PDE6C: variants seen among roughly 807,000 people sequenced by gnomAD.
PDE6C encodes phosphodiesterase 6C, also known as cone cGMP-specific 3',5'-cyclic phosphodiesterase subunit alpha'.
PDE6C carries 75 observed loss-of-function variants against 113.1 expected under a neutral mutation model. The ratio of observed to expected loss-of-function variants is 0.66; its 90% CI spans 0.55 to 0.80. The LOEUF is 0.80. Ranked by LOEUF, PDE6C falls within the 30% of genes least tolerant of loss-of-function variation. The pLI, the probability that PDE6C is intolerant of heterozygous loss-of-function variation, is 0.00. For missense variants in PDE6C, 912 were observed against 1,038.6 expected, an observed-to-expected ratio of 0.88 and a Z score of 1.67; for synonymous variants, 375 against 363.7, an observed-to-expected ratio of 1.03 and a Z score of -0.35.
chr10:93,634,541 C>T (rs188643024), intron 8 of PDE6C, among the ~76,000 whole-genome samples: 1 of 152,290 alleles, frequency 6.6e-6, no homozygotes, highest in African/African-American at 2.4e-5. Context: ...AGCTCTGGAT[C>T]GTACAATGTC....
At chr10:93,635,686 A>G in intron 10 of PDE6C, 46 bp downstream of exon 10, 1 of 1,592,156 alleles carries the variant, frequency 6.3e-7, no homozygotes, top group Non-Finnish European at 8.6e-7. Context: ...TTACCTAACC[A>G]CATATTCTAG....
At chr10:93,637,336 G>A (rs936954330) in intron 11 of PDE6C, among the ~76,000 whole-genome samples, 2 of 152,068 alleles carry the variant, frequency 1.3e-5, no homozygotes, top group African/African-American at 4.8e-5. Flanking sequence ...ACAGAATCTA[G>A]GGATATCAAG....
intron 15 of PDE6C, among the ~76,000 whole-genome samples, chr10:93,649,714 C>A (rs2058601001): frequency 6.6e-6 from 1 of 152,168 alleles, no homozygotes; most frequent in South Asian, 2.1e-4. Context: ...AAGAGATTCT[C>A]ACACCTCAGC....
Position 93,657,328 on chromosome 10 carries a change from A to ATTT in PDE6C, c.2036+1494_2036+1496dup, listed in dbSNP as rs71031526. ...AGGCACACGTCACCACGCCTGGCTA[A>ATTT]TTTTTTTTTTTTTTTTTTTTTTTTT... On this transcript the variant is annotated intron_variant, in intron 16 of 21. Coordinates refer to ENST00000371447, the MANE Select transcript of PDE6C (RefSeq NM_006204.4). Among the ~76,000 whole-genome samples, 56 of 88,282 alleles carry ATTT rather than the reference A, an allele frequency of 6.3e-4. 3 individuals are homozygous for ATTT. The highest frequency in any genetic ancestry group is 1.3e-3 in the African/African-American group (27 of 21,538). The allele number at this position is 88,282 out of a possible 152,430, so 57.9% of individuals were successfully genotyped here.
At chr10:93,661,675 T>G (rs893697421) in intron 18 of PDE6C, among the ~76,000 whole-genome samples, 11 of 152,206 alleles carry the variant, frequency 7.2e-5, no homozygotes, top group African/African-American at 2.2e-4. Context: ...TACTAATGGG[T>G]GTATGTCACA....
intron 13 of PDE6C, 115 bp downstream of exon 13, chr10:93,640,672 A>G: frequency 1.2e-6 from 1 of 821,928 alleles, no homozygotes; most frequent in Non-Finnish European, 2.1e-6. Context: ...CAGGGCACAA[A>G]CCCCTCTCCG....
chr10:93,643,477 C>G (rs1391592314), intron 14 of PDE6C, among the ~76,000 whole-genome samples: 1 of 152,018 alleles, frequency 6.6e-6, no homozygotes, highest in Non-Finnish European at 1.5e-5. Flanking sequence ...CAGCCTTGAC[C>G]TCTGGGGCCC....
Position 93,622,008 on chromosome 10 carries a change from C to A in PDE6C, c.800C>A (p.Thr267Lys), listed in dbSNP as rs199926911. Residue 267 changes from threonine to lysine, a missense_variant, in exon 4 of 22, where the codon ACG becomes AAG. Coordinates refer to ENST00000371447, the MANE Select transcript of PDE6C (RefSeq NM_006204.4). ...CGACAGTTTCACAAAGCGCTCTACACGGTTAGATCATATCTGAACTGTGAA... is the reference window on the plus strand; with the variant it reads ...CGACAGTTTCACAAAGCGCTCTACAAGGTTAGATCATATCTGAACTGTGAA... ...VERQFHKALY[T>K]VRSYLNCERY... 1 of 1,613,694 alleles carries A rather than the reference C, an allele frequency of 6.2e-7. No homozygotes were observed. Among genetic ancestry groups the A allele is most frequent in the East Asian group, 2.2e-5 (1 of 44,868 alleles).
At chr10:93,660,233 C>T (rs2058660079) in intron 18 of PDE6C, among the ~76,000 whole-genome samples, 1 of 152,200 alleles carries the variant, frequency 6.6e-6, no homozygotes, top group South Asian at 2.1e-4. Context: ...AAGAGAAAAG[C>T]GTACACGTTT....
In PDE6C at chr10:93,640,493, C is replaced by T; in HGVS notation, c.1673C>T (p.Ala558Val). The T allele has an allele frequency of 6.2e-7, 1 of 1,613,790 alleles. No homozygotes were observed. The highest frequency in any genetic ancestry group is 8.5e-7 in the Non-Finnish European group (1 of 1,179,738). ...WMYTVRKGYR[A>V]VTYHNWRHGF... ...TACACTGTGAGGAAAGGGTACCGAG[C>T]TGTCACTTACCACAATTGGCGGCAT... is the stretch of plus-strand genomic sequence containing the variant. Residue 558 changes from alanine (A) to valine (V), a missense_variant, in exon 13 of 22, where the codon GCT (alanine) becomes GTT (valine). By Grantham distance (64) the Ala-to-Val change is moderately conservative. Coordinates refer to ENST00000371447, the MANE Select transcript of PDE6C (RefSeq NM_006204.4).
intron 1 of PDE6C, among the ~76,000 whole-genome samples, chr10:93,616,723 G>T (rs7910799): frequency 7.1e-6 from 1 of 141,176 alleles, no homozygotes; most frequent in African/African-American, 2.7e-5. Context: ...GCTTGATCTC[G>T]GCTCACTGCA....
chr10:93,627,258 CAAAAAA>C (rs57142181), intron 7 of PDE6C, among the ~76,000 whole-genome samples: 4 of 52,584 alleles, frequency 7.6e-5, no homozygotes, highest in African/African-American at 2.5e-4. Context: ...TGAAACTCCA[CAAAAAA>C]AAAAAAAAAA....
chr10:93,616,662 T>TC (rs1008387563), intron 1 of PDE6C, among the ~76,000 whole-genome samples: 9 of 149,976 alleles, frequency 6.0e-5, no homozygotes, highest in Non-Finnish European at 1.3e-4. Flanking sequence ...CTTTTTTTTT[T>TC]TTTTTTTTTT....
intron 11 of PDE6C, among the ~76,000 whole-genome samples, chr10:93,639,680 A>C (rs1241174267): frequency 2.0e-5 from 3 of 152,242 alleles, no homozygotes; most frequent in Non-Finnish European, 4.4e-5. Context: ...TGAATTAAGC[A>C]GTCGTTTACT....
At chr10:93,656,444 A>G (rs2058638211) in intron 16 of PDE6C, among the ~76,000 whole-genome samples, 1 of 152,152 alleles carries the variant, frequency 6.6e-6, no homozygotes, top group Admixed American at 6.5e-5. Flanking sequence ...GTGAACTATA[A>G]AGTTGCTTGA....
At chr10:93,653,430 G>A (rs936343601) in intron 15 of PDE6C, among the ~76,000 whole-genome samples, 21 of 152,084 alleles carry the variant, frequency 1.4e-4, no homozygotes, top group African/African-American at 4.8e-4. Context: ...ATCCCTTGAG[G>A]TCAGGAGTTT....
In PDE6C at chr10:93,663,174, A is replaced by T; in HGVS notation, c.2514A>T (p.Glu838Asp). 1 of 1,613,358 alleles carries T rather than the reference A, an allele frequency of 6.2e-7. No homozygotes were observed. The highest frequency in any genetic ancestry group is 8.5e-7 in the Non-Finnish European group (1 of 1,179,664). Reference sequence around the variant, plus strand: ...CAAAAAAGCAAGAAGGAGGAGCCGAAAAAGGTTAGATGGGCTCTGTTTTTG... The same window carrying T: ...CAAAAAAGCAAGAAGGAGGAGCCGATAAAGGTTAGATGGGCTCTGTTTTTG... ...EEAKKQEGGAEKAAEDSGGGD... is the reference protein window; with the variant it reads ...EEAKKQEGGADKAAEDSGGGD... Residue 838 changes from glutamate (E) to aspartate (D), a missense_variant, in exon 21 of 22, where the codon GAA (glutamate) becomes GAT (aspartate). Transcript: ENST00000371447.
chr10:93,629,130 G>C, intron 7 of PDE6C, 128 bp from the exon 8 acceptor site: 1 of 784,524 alleles, frequency 1.3e-6, no homozygotes, highest in Non-Finnish European at 2.3e-6. Context: ...AGGTCCATTT[G>C]CCCGCAAGCA....
In PDE6C at chr10:93,621,302, C is replaced by T. The variant is rs184340544; in HGVS notation, c.723+322C>T. ...TTCAGATGGTTGTTGTGACTATTAGCGATTAGCTCTCAAATAAAGTTTGTA... is the reference window on the plus strand; with the variant it reads ...TTCAGATGGTTGTTGTGACTATTAGTGATTAGCTCTCAAATAAAGTTTGTA... On this transcript the variant is annotated intron_variant, in intron 3 of 21. Transcript: ENST00000371447. Among the ~76,000 whole-genome samples the T allele has an allele frequency of 5.6e-4, 86 of 152,240 alleles. 2 individuals carry two copies. The East Asian group carries it at 9.6e-3, about 17-fold the overall frequency.
Sources: gnomAD v4.1 joint callset for allele counts (sites outside exome capture counted in the v4.1 genomes callset) on GRCh38, gnomAD v4.1.1 for gene constraint, MANE v1.5 for transcripts, NCBI Gene and HGNC (gene_info 2026-07-23, HGNC 2026-07-21) for gene names.